Variants in ZFHX3 observed in about 807,000 individuals in gnomAD.
ZFHX3 encodes the protein zinc finger homeobox 3, also known as zinc finger homeobox protein 3.
A neutral mutation model predicts 279.1 loss-of-function variants in ZFHX3; 42 were observed. The ratio of observed to expected loss-of-function variants is 0.15; its 90% CI spans 0.12 to 0.19. The LOEUF is 0.19. Among genes scored for constraint, ZFHX3 ranks in the 10% least tolerant of loss-of-function variants. The pLI, the probability that ZFHX3 is intolerant of heterozygous loss-of-function variation, is 1.00. For missense variants in ZFHX3, 4,981 were observed against 4,754.0 expected (o/e 1.05, Z -1.40); for synonymous variants, 2,293 against 1,957.8 (o/e 1.17, Z -4.52).
At chr16:73,727,548 G>C (rs2053529977) in intron 1 of ZFHX3, among the ~76,000 whole-genome samples, 1 of 152,136 alleles carries the variant, frequency 6.6e-6, no homozygotes, top group African/African-American at 2.4e-5. Flanking sequence ...AAGGATTGTG[G>C]CAACTCAGGG....
chr16:73,574,684 T>A (rs897325604), intron 2 of ZFHX3, among the ~76,000 whole-genome samples: 1 of 151,800 alleles, frequency 6.6e-6, no homozygotes, highest in South Asian at 2.1e-4. Context: ...CTACGGCAGG[T>A]CTTCATCACC....
intron 1 of ZFHX3, among the ~76,000 whole-genome samples, chr16:72,975,095 G>C (rs1962293234): frequency 6.6e-6 from 1 of 152,158 alleles, no homozygotes; most frequent in Non-Finnish European, 1.5e-5. Context: ...AGGGGGCATG[G>C]ATTCTGCTGG....
intron 3 of ZFHX3, among the ~76,000 whole-genome samples, chr16:72,895,289 C>T (rs907904424): frequency 1.3e-5 from 2 of 152,170 alleles, no homozygotes; most frequent in African/African-American, 2.4e-5. Context: ...GAATATACTT[C>T]CCGGAATACT....
chr16:73,011,302 T>A (rs1303446423), intron 1 of ZFHX3, among the ~76,000 whole-genome samples: 2 of 152,040 alleles, frequency 1.3e-5, no homozygotes, highest in African/African-American at 4.8e-5. Flanking sequence ...TTTTTTTTTT[T>A]TTAATTTTTT....
chr16:73,594,725 C>G (rs1458017815), intron 2 of ZFHX3, among the ~76,000 whole-genome samples: 1 of 152,160 alleles, frequency 6.6e-6, no homozygotes, highest in Non-Finnish European at 1.5e-5. Flanking sequence ...CGCCCACAAG[C>G]CTAACATTGG....
chr16:73,055,949 G>A (rs1259061252), intron 1 of ZFHX3, among the ~76,000 whole-genome samples: 4 of 152,162 alleles, frequency 2.6e-5, no homozygotes, highest in South Asian at 4.1e-4. Flanking sequence ...TCTCTGGACC[G>A]GAGCAGGGCA....
intron 1 of ZFHX3, among the ~76,000 whole-genome samples, chr16:73,753,679 G>T (rs2053780626): frequency 6.6e-6 from 1 of 152,146 alleles, no homozygotes; most frequent in Non-Finnish European, 1.5e-5. Flanking sequence ...GCTTTGCTGG[G>T]CAAAGACAAA....
In ZFHX3 at chr16:73,876,250, A is replaced by G. The variant is rs77982289; in HGVS notation, c.-1608+15401T>C. Among the ~76,000 whole-genome samples, 800 of 152,320 alleles carry G rather than the reference A, an allele frequency of 5.3e-3. 8 individuals carry two copies. Among genetic ancestry groups the G allele is most frequent in the African/African-American group, 0.018 (741 of 41,562 alleles). ...TTCCTGCTGCTGAGTCTGAATTTGT[A>G]GACAGTCATGAAAAAAATATCCTCT... On this transcript the variant is annotated intron_variant, in intron 1 of 17. Coordinates refer to the ZFHX3 transcript ENST00000641206.
chr16:73,496,976 C>T (rs148353253), intron 2 of ZFHX3, among the ~76,000 whole-genome samples: 3,050 of 152,298 alleles, frequency 0.02, 39 homozygotes, highest in Non-Finnish European at 0.032. Flanking sequence ...TCTGTCCCAC[C>T]ATCTCCTCCT....
At chr16:73,447,106 G>A (rs562536070) in intron 3 of ZFHX3, among the ~76,000 whole-genome samples, 12 of 151,412 alleles carry the variant, frequency 7.9e-5, no homozygotes, top group South Asian at 4.2e-4. Context: ...GCATGAACCC[G>A]GGATGCGGAG....
At chr16:73,857,723 G>A (rs1290796068) in intron 1 of ZFHX3, among the ~76,000 whole-genome samples, 1 of 152,206 alleles carries the variant, frequency 6.6e-6, no homozygotes, top group Non-Finnish European at 1.5e-5. Flanking sequence ...CAGAGAGCCA[G>A]AGAAGATTCC....
chr16:73,192,552 T>C (rs1968065894), intron 5 of ZFHX3, among the ~76,000 whole-genome samples: 1 of 152,212 alleles, frequency 6.6e-6, no homozygotes, highest in African/African-American at 2.4e-5. Context: ...CTAATGCGTC[T>C]GAGCTGTCTG....
chr16:73,724,850 T>C (rs889091607), intron 1 of ZFHX3, among the ~76,000 whole-genome samples: 2 of 152,198 alleles, frequency 1.3e-5, no homozygotes, highest in African/African-American at 4.8e-5. Flanking sequence ...AACCACTCCA[T>C]GCATCCCCTC....
chr16:72,915,355 C>T (rs1454676107), intron 3 of ZFHX3, among the ~76,000 whole-genome samples: 1 of 152,172 alleles, frequency 6.6e-6, no homozygotes, highest in African/African-American at 2.4e-5. Flanking sequence ...CACCTAGACT[C>T]GCAGAACACA....
chr16:73,109,343 T>C (rs1357646259), intron 7 of ZFHX3, among the ~76,000 whole-genome samples: 2 of 152,194 alleles, frequency 1.3e-5, no homozygotes, highest in Non-Finnish European at 2.9e-5. Context: ...TGTCATTCTG[T>C]TGAAGCGCTT....
intron 1 of ZFHX3, among the ~76,000 whole-genome samples, chr16:72,990,647 C>A (rs572906108): frequency 6.6e-6 from 1 of 152,272 alleles, no homozygotes; most frequent in East Asian, 1.9e-4. Context: ...ATGTACCCAA[C>A]AGGCAGATAT....
intron 4 of ZFHX3, among the ~76,000 whole-genome samples, chr16:72,837,781 T>C (rs62053160): frequency 6.6e-6 from 1 of 151,828 alleles, no homozygotes; most frequent in African/African-American, 2.4e-5. Flanking sequence ...AAAAAAAAAT[T>C]CTAGAGATAG....
chr16:73,883,592 C>T (rs774957677), intron 1 of ZFHX3, among the ~76,000 whole-genome samples: 1 of 151,848 alleles, frequency 6.6e-6, no homozygotes, highest in Non-Finnish European at 1.5e-5. Context: ...CTTCCGTGTA[C>T]AAAAATACAT....
chr16:73,616,066 G>A (rs144447261), intron 2 of ZFHX3, among the ~76,000 whole-genome samples: 84 of 152,038 alleles, frequency 5.5e-4, no homozygotes, highest in African/African-American at 2.0e-3. Flanking sequence ...GATCCGGAGG[G>A]TATTGTTTTT....
Sources: gnomAD v4.1 joint callset for allele counts (sites outside exome capture counted in the v4.1 genomes callset) on GRCh38, gnomAD v4.1.1 for gene constraint, MANE v1.5 for transcripts, NCBI Gene and HGNC (gene_info 2026-07-23, HGNC 2026-07-21) for gene names.